FRMD8: variants seen among roughly 807,000 people sequenced by gnomAD.
FRMD8 encodes the protein FERM domain containing 8.
FRMD8 carries 37 observed loss-of-function variants against 54.2 expected under a neutral mutation model. The observed-to-expected ratio is 0.68, with a 90% CI of 0.53 to 0.90. FRMD8 has a LOEUF of 0.90. Ranked by LOEUF, FRMD8 falls within the 40% of genes least tolerant of loss-of-function variation. The pLI, the probability that FRMD8 is intolerant of heterozygous loss-of-function variation, is 0.00. For synonymous variants in FRMD8, 246 were observed against 286.9 expected, an observed-to-expected ratio of 0.86 and a Z score of 1.44; for missense variants, 585 against 653.7, an observed-to-expected ratio of 0.89 and a Z score of 1.15.
At chr11:65,409,896 G>A (rs1856291128) in intron 10 of FRMD8, among the ~76,000 whole-genome samples, 1 of 151,896 alleles carries the variant, frequency 6.6e-6, no homozygotes, top group Non-Finnish European at 1.5e-5. Flanking sequence ...CTGGGCAATC[G>A]AGCAAGACCC....
Position 65,400,585 on chromosome 11 carries a change from C to A in FRMD8, c.928-139C>A. 1 of 853,942 alleles carries A rather than the reference C, an allele frequency of 1.2e-6. No individual in the cohort carries two copies. Among genetic ancestry groups the A allele is most frequent in the Non-Finnish European group, 1.7e-6 (1 of 592,026 alleles). 52.9% of individuals were successfully genotyped at this position (853,942 alleles called of 1,614,324 possible). A position where few individuals can be genotyped will look rare whatever the true frequency, so the allele number is the denominator to read the frequency against. On this transcript the variant is annotated intron_variant, in intron 8 of 10. Coordinates refer to ENST00000317568, the MANE Select transcript of FRMD8 (RefSeq NM_031904.5). The surrounding 1 kb of genome is among the most constrained non-coding windows in gnomAD (Gnocchi z 4.3). ...AGGCTCTGATGAAAGCTGAGGCTCT[C>A]TCCTTACAGAAACACATGAACAAAT...
the FRMD8 span, chr11:65,380,629 G>A: frequency 1.5e-6 from 2 of 1,291,056 alleles, no homozygotes; most frequent in Non-Finnish European, 2.0e-6. Flanking sequence ...AGAACTGCAG[G>A]GCCCTGATGG....
At chr11:65,376,124 T>C in the FRMD8 span, 1 of 486,200 alleles carries the variant, frequency 2.1e-6, no homozygotes, top group East Asian at 3.5e-5. Context: ...AGCTGGGATG[T>C]CACCAGCACC....
chr11:65,383,777 A>AAAC (rs1855681281), upstream of FRMD8: 3 of 101,826 alleles, frequency 2.9e-5, no homozygotes, highest in East Asian at 2.3e-4. Context: ...AAACAAACAA[A>AAAC]CAAACAAAAA....
At chr11:65,379,725 G>A in the FRMD8 span, 1 of 1,283,394 alleles carries the variant, frequency 7.8e-7, no homozygotes, top group Non-Finnish European at 1.1e-6. Flanking sequence ...GGGGTGCTAA[G>A]CTACCACCCA....
At chr11:65,375,543 C>G in the FRMD8 span, 1 of 152,444 alleles carries the variant, frequency 6.6e-6, no homozygotes. Flanking sequence ...GAGAGCACAA[C>G]TTGTTCAGGG....
At chr11:65,399,883 G>C (rs1423153045) in intron 8 of FRMD8, 24 bp downstream of exon 8, 1 of 1,602,778 alleles carries the variant, frequency 6.2e-7, no homozygotes, top group Non-Finnish European at 8.5e-7. Context: ...CTCCTCCAGG[G>C]TGGAGAGGAT....
intron 4 of FRMD8, 32 bp from the exon 5 acceptor site, chr11:65,394,008 GA>G (rs1310624268): frequency 6.2e-7 from 1 of 1,611,642 alleles, no homozygotes; most frequent in East Asian, 2.2e-5. Context: ...GCAGAGTGGG[GA>G]TGCCCGGCAG....
Position 65,389,486 on chromosome 11 carries a change from G to T in FRMD8, c.211G>T (p.Ala71Ser), listed in dbSNP as rs769069315. ...CGAGGTCCTGCAGCTTCCAGACATC[G>T]CCCTGGATGTCTTCGCGCTCTGGCT... ...VREVLQLPDI[A>S]LDVFALWLVS... The change falls in exon 3 of 11, where the codon GCC becomes TCC. Residue 71 changes from alanine to serine, a missense_variant. Coordinates refer to ENST00000317568, the MANE Select transcript of FRMD8 (RefSeq NM_031904.5). 3 of 1,607,440 alleles carry T rather than the reference G, an allele frequency of 1.9e-6. No homozygotes were observed. Among genetic ancestry groups the T allele is most frequent in the Non-Finnish European group, 2.5e-6 (3 of 1,179,780 alleles).
intron 3 of FRMD8, among the ~76,000 whole-genome samples, chr11:65,391,520 T>A (rs1178480480): frequency 6.6e-6 from 1 of 151,454 alleles, no homozygotes; most frequent in Non-Finnish European, 1.5e-5. Flanking sequence ...ATTTATTTAT[T>A]TTTTTTTTGA....
intron 6 of FRMD8, 117 bp downstream of exon 6, chr11:65,394,542 G>T (rs1346934444): frequency 3.1e-6 from 4 of 1,272,826 alleles, no homozygotes; most frequent in Non-Finnish European, 3.2e-6. Context: ...GAGTCAGGAG[G>T]CCTCAGCCCC....
intron 10 of FRMD8, among the ~76,000 whole-genome samples, chr11:65,407,233 A>G (rs897892264): frequency 2.1e-3 from 3 of 1,424 alleles, no homozygotes; most frequent in African/African-American, 2.1e-3. Context: ...ATCTACATTT[A>G]TTTATTTATT....
the FRMD8 span, chr11:65,376,063 C>T: frequency 8.6e-5 from 22 of 256,650 alleles, 1 homozygote; most frequent in East Asian, 1.4e-3. Context: ...GAGAAAGACT[C>T]CATCTCAAAA....
At chr11:65,373,583 A>T in the FRMD8 span, among the ~76,000 whole-genome samples, 1 of 152,040 alleles carries the variant, frequency 6.6e-6, no homozygotes, top group South Asian at 2.1e-4. Flanking sequence ...CTTTTTAAAA[A>T]TTATTATCAT....
In FRMD8 at chr11:65,399,814, G is replaced by C; in HGVS notation, c.882G>C (p.Val294=). The change falls in exon 8 of 11, where the codon GTG becomes GTC. Residue 294 remains valine, a synonymous_variant. Transcript: ENST00000317568. ...LHRGGRKPVS[V]AISLEGVHVI... is the part of the protein sequence containing the mutation. ...GGGGTGGGCGCAAGCCAGTTTCTGT[G>C]GCCATCAGTCTGGAAGGCGTGCACG... 6.2e-7 allele frequency: 1 copy of C among 1,614,046 alleles called. No individual in the cohort carries two copies. The highest frequency in any genetic ancestry group is 8.5e-7 in the Non-Finnish European group (1 of 1,179,978).
intron 3 of FRMD8, among the ~76,000 whole-genome samples, chr11:65,389,999 C>T (rs1855811842): frequency 2.6e-5 from 4 of 152,186 alleles, no homozygotes; most frequent in African/African-American, 7.2e-5. Flanking sequence ...AGTGGCTTCC[C>T]GGTCGGCCTC....
chr11:65,379,026 T>G, the FRMD8 span: 1 of 297,944 alleles, frequency 3.4e-6, no homozygotes. Context: ...GGGGTGCTGG[T>G]GGTTCTCCAG....
chr11:65,380,389 G>C, the FRMD8 span: 1 of 922,958 alleles, frequency 1.1e-6, no homozygotes, highest in Non-Finnish European at 1.6e-6. Context: ...TGGGACAAGG[G>C]ACTAAGACCC....
chr11:65,397,859 C>G (rs899907016), intron 7 of FRMD8, among the ~76,000 whole-genome samples: 1 of 146,216 alleles, frequency 6.8e-6, no homozygotes, highest in African/African-American at 2.5e-5. Flanking sequence ...GCACCATGCC[C>G]GGGTAATTTT....
Sources: allele counts gnomAD v4.1 joint callset (sites outside exome capture counted in the v4.1 genomes callset), GRCh38; gene constraint gnomAD v4.1.1; non-coding constraint Gnocchi (gnomAD v3.1); transcripts MANE v1.5; gene names NCBI Gene and HGNC (gene_info 2026-07-23, HGNC 2026-07-21).